The following CACNB2 variants were observed in gnomAD, a reference collection of about 807,000 sequenced individuals.
CACNB2 encodes voltage-dependent L-type calcium channel subunit beta-2.
CACNB2 carries 42 observed loss-of-function variants against 73.3 expected under a neutral mutation model. The ratio of observed to expected loss-of-function variants is 0.57; its 90% CI spans 0.45 to 0.74. CACNB2 has a LOEUF of 0.74. Among genes scored for constraint, CACNB2 ranks in the 30% least tolerant of loss-of-function variants. The pLI is 0.00. For missense variants in CACNB2, 940 were observed against 853.0 expected (o/e 1.10, Z -1.27); for synonymous variants, 348 against 310.3 (o/e 1.12, Z -1.28).
intron 2 of CACNB2, among the ~76,000 whole-genome samples, chr10:18,310,629 G>GA (rs2039925371): frequency 3.1e-5 from 3 of 95,430 alleles, no homozygotes; most frequent in Admixed American, 1.1e-4. Flanking sequence ...AAAAAAAAAA[G>GA]TAAAAAAAAA....
chr10:18,498,599 C>T (rs1204808963), intron 4 of CACNB2, 122 bp downstream of exon 4: 3 of 970,856 alleles, frequency 3.1e-6, no homozygotes, highest in Admixed American at 3.5e-5. Context: ...TTGTATAACA[C>T]ACATAACTAA....
Position 18,538,281 on chromosome 10 carries a change from C to T in CACNB2, c.1404C>T (p.Ser468=). 1 of 1,614,120 alleles carries T rather than the reference C, an allele frequency of 6.2e-7. No individual in the cohort carries two copies. Among genetic ancestry groups the T allele is most frequent in the Non-Finnish European group, 8.5e-7 (1 of 1,179,970 alleles). The change falls in exon 13 of 14, where the codon AGC becomes AGT. Residue 468 remains serine, a synonymous_variant. Transcript: ENST00000324631. ...ACTGGAAGGCCACCCATCCTCCCAG[C>T]AGTAGCCTCCCCAACCCTCTCCTTA... ...EAYWKATHPP[S]SSLPNPLLSR...
At chr10:18,455,111 C>T (rs745506337) in intron 3 of CACNB2, among the ~76,000 whole-genome samples, 1 of 151,228 alleles carries the variant, frequency 6.6e-6, no homozygotes, top group Non-Finnish European at 1.5e-5. Flanking sequence ...AATGAGAGTT[C>T]ACATAATAAT....
intron 3 of CACNB2, among the ~76,000 whole-genome samples, chr10:18,413,454 A>AGGTCCTCTTTTTGGATCTCT (rs2044752406): frequency 6.6e-6 from 1 of 152,186 alleles, no homozygotes; most frequent in Admixed American, 6.5e-5. Context: ...CTTGGATCTC[A>AGGTCCTCTTTTTGGATCTCT]GGTCCTCTTT....
chr10:18,359,561 A>G (rs1284918477), intron 2 of CACNB2, among the ~76,000 whole-genome samples: 1 of 151,324 alleles, frequency 6.6e-6, no homozygotes, highest in Non-Finnish European at 1.5e-5. Flanking sequence ...AGCATGAACC[A>G]CCACACCCAG....
intron 2 of CACNB2, among the ~76,000 whole-genome samples, chr10:18,319,993 C>A (rs1018447971): frequency 3.9e-5 from 6 of 152,226 alleles, no homozygotes; most frequent in Admixed American, 3.9e-4. Flanking sequence ...GGGACAGATT[C>A]ACTGTCTTCC....
intron 3 of CACNB2, 120 bp from the exon 4 acceptor site, chr10:18,498,235 G>T: frequency 8.2e-7 from 1 of 1,215,542 alleles, no homozygotes; most frequent in Non-Finnish European, 1.2e-6. Context: ...AAGAACCAGT[G>T]CAGAGGGGAA....
intron 2 of CACNB2, among the ~76,000 whole-genome samples, chr10:18,366,036 T>C (rs2132253624): frequency 6.6e-6 from 1 of 152,302 alleles, no homozygotes; most frequent in South Asian, 2.1e-4. Context: ...AAGAAATAAG[T>C]CTTGCTTATT....
At chr10:18,177,927 C>T (rs1218902556) in intron 2 of CACNB2, among the ~76,000 whole-genome samples, 3 of 152,180 alleles carry the variant, frequency 2.0e-5, no homozygotes, top group East Asian at 3.8e-4. Flanking sequence ...ATTCTATTTT[C>T]CTTTCACAGT....
At chr10:18,500,110 T>C (rs974017527) in intron 4 of CACNB2, among the ~76,000 whole-genome samples, 1 of 152,190 alleles carries the variant, frequency 6.6e-6, no homozygotes, top group South Asian at 2.1e-4. Flanking sequence ...ACCAGGAAGT[T>C]AGATTATTAT....
chr10:18,532,697 CAAAA>C (rs2053177514), intron 10 of CACNB2, among the ~76,000 whole-genome samples: 1 of 125,112 alleles, frequency 8.0e-6, no homozygotes, highest in South Asian at 2.5e-4. Flanking sequence ...AAAAAAAAAA[CAAAA>C]CAAAAAAACA....
At chr10:18,231,114 C>T (rs570266348) in intron 2 of CACNB2, among the ~76,000 whole-genome samples, 2 of 152,270 alleles carry the variant, frequency 1.3e-5, no homozygotes, top group African/African-American at 2.4e-5. Flanking sequence ...AAAAGTATTG[C>T]CCTACATCTT....
chr10:18,500,746 A>C (rs1421352272), intron 4 of CACNB2, 66 bp from the exon 5 acceptor site: 1 of 1,489,684 alleles, frequency 6.7e-7, no homozygotes, highest in African/African-American at 1.4e-5. Flanking sequence ...GACTGAAAAT[A>C]GTGTGGAAGA....
At chr10:18,535,928 T>A (rs1044509731) in intron 11 of CACNB2, among the ~76,000 whole-genome samples, 173 bp from the exon 12 acceptor site, 2 of 152,170 alleles carry the variant, frequency 1.3e-5, no homozygotes, top group African/African-American at 4.8e-5. Flanking sequence ...GCTTAAAGCT[T>A]GCAACTGTGA....
intron 2 of CACNB2, among the ~76,000 whole-genome samples, chr10:18,259,422 A>G (rs1393216183): frequency 6.6e-6 from 1 of 151,738 alleles, no homozygotes; most frequent in African/African-American, 2.4e-5. Flanking sequence ...TTTTAAAATT[A>G]GGCTGGGCAC....
At chr10:18,252,053 A>T (rs2037112698) in intron 2 of CACNB2, among the ~76,000 whole-genome samples, 1 of 152,240 alleles carries the variant, frequency 6.6e-6, no homozygotes. Context: ...CAGTAAATAA[A>T]TGCTAATGTT....
At chr10:18,536,243 C>CTTTT (rs904187820) in intron 12 of CACNB2, 47 bp downstream of exon 12, 278 of 282,506 alleles carry the variant, frequency 9.8e-4, no homozygotes, top group South Asian at 2.6e-3. Flanking sequence ...GAGATCAGAC[C>CTTTT]TTTTTTTTTT....
intron 7 of CACNB2, among the ~76,000 whole-genome samples, chr10:18,514,755 T>C (rs903921912): frequency 6.6e-6 from 1 of 152,212 alleles, no homozygotes; most frequent in East Asian, 1.9e-4. Context: ...CCAAGGGAAT[T>C]TGTTTCAACA....
chr10:18,151,805 C>G (rs2031581246), intron 2 of CACNB2, among the ~76,000 whole-genome samples: 1 of 152,074 alleles, frequency 6.6e-6, no homozygotes, highest in African/African-American at 2.4e-5. Context: ...AGTGTCTGAT[C>G]AGTACTCTCA....
Sources: gnomAD v4.1 joint callset for allele counts (sites outside exome capture counted in the v4.1 genomes callset) on GRCh38, gnomAD v4.1.1 for gene constraint, MANE v1.5 for transcripts, NCBI Gene and HGNC (gene_info 2026-07-23, HGNC 2026-07-21) for gene names.